TMPRSS4: variants seen among roughly 807,000 people sequenced by gnomAD.
TMPRSS4 encodes the protein transmembrane serine protease 4.
In TMPRSS4, 45 loss-of-function variants were observed where a neutral mutation model predicts 56.4. The observed-to-expected ratio is 0.80, with a 90% CI of 0.63 to 1.02. The LOEUF (loss-of-function observed/expected upper bound fraction) is 1.02. Among genes scored for constraint, TMPRSS4 ranks in the 50% least tolerant of loss-of-function variants. The probability of loss-of-function intolerance (pLI) is 0.00; values close to 1 mark genes in which losing one functional copy is unlikely to be tolerated. For missense variants in TMPRSS4, 546 were observed against 556.7 expected (o/e 0.98, Z 0.19); for synonymous variants, 205 against 211.0 (o/e 0.97, Z 0.25).
intron 4 of TMPRSS4, among the ~76,000 whole-genome samples, chr11:118,103,943 A>G (rs1015272964): frequency 2.0e-4 from 31 of 152,132 alleles, no homozygotes; most frequent in African/African-American, 7.5e-4. Flanking sequence ...TTCGCCAGCT[A>G]TTGGTCCTTC....
At chr11:118,097,944 A>G (rs1381502209) in intron 2 of TMPRSS4, among the ~76,000 whole-genome samples, 1 of 152,048 alleles carries the variant, frequency 6.6e-6, no homozygotes, top group African/African-American at 2.4e-5. Flanking sequence ...TAATTTTTGT[A>G]TGTTTAGTAG....
At chr11:118,123,152 T>C (rs1056959073), downstream of TMPRSS4, among the ~76,000 whole-genome samples, 1 of 152,010 alleles carries the variant, frequency 6.6e-6, no homozygotes, top group African/African-American at 2.4e-5. Flanking sequence ...CACAGTCACA[T>C]AATACCCTCA....
chr11:118,107,770 G>A lies in TMPRSS4; in HGVS notation c.441-4G>A. The A allele has an allele frequency of 6.2e-7, 1 of 1,613,774 alleles. No individual in the cohort carries two copies. The stretch of plus-strand genomic sequence containing the variant: ...CAACTCTCTCTCCCTCTTGATGTGA[G>A]CAGCAAACCCACTTTCAGAGCTGTG... On this transcript the variant is annotated splice_region_variant and splice_polypyrimidine_tract_variant and intron_variant, in intron 5 of 12. Transcript: ENST00000437212.
In TMPRSS4 at chr11:118,091,392, G is replaced by A. The variant is rs78275915; in HGVS notation, c.4-3424G>A. Among the ~76,000 whole-genome samples, 1,178 of 152,116 alleles carry A rather than the reference G, an allele frequency of 7.7e-3. 17 individuals are homozygous for A. The highest frequency in any genetic ancestry group is 0.027 in the African/African-American group (1,135 of 41,496). Reference sequence around the variant, plus strand: ...CGTAACCATCCTGAGCCCCTCCCTAGAGCTCCCATTCTCAGTCTGCATCCA... The same window carrying A: ...CGTAACCATCCTGAGCCCCTCCCTAAAGCTCCCATTCTCAGTCTGCATCCA... On this transcript the variant is annotated intron_variant, in intron 1 of 12. Coordinates refer to ENST00000437212, the MANE Select transcript of TMPRSS4 (RefSeq NM_019894.4).
Position 118,116,715 on chromosome 11 carries a change from C to CTTTTTTTTT in TMPRSS4, c.1153-582_1153-574dup, listed in dbSNP as rs58251133. ...ACTAGGTTAAACAATGATAACCAGG[C>CTTTTTTTTT]TTTTTTTTTTTTTTTTGAGACTGAG... On this transcript the variant is annotated intron_variant, in intron 11 of 12. Coordinates refer to ENST00000437212, the MANE Select transcript of TMPRSS4 (RefSeq NM_019894.4). Among the ~76,000 whole-genome samples, 5 of 123,374 alleles carry CTTTTTTTTT rather than the reference C, an allele frequency of 4.1e-5. 1 individual carries two copies. The highest frequency in any genetic ancestry group is 4.9e-5 in the Non-Finnish European group (3 of 61,808). 80.9% of individuals were successfully genotyped at this position (123,374 alleles called of 152,430 possible). A position where few individuals can be genotyped will look rare whatever the true frequency, so the allele number is the denominator to read the frequency against.
At chr11:118,117,257 C>T in intron 11 of TMPRSS4, 48 bp from the exon 12 acceptor site, 1 of 1,605,558 alleles carries the variant, frequency 6.2e-7, no homozygotes, top group Non-Finnish European at 8.5e-7. Context: ...GAGAAGCCCC[C>T]CCACCTCACC....
chr11:118,116,341 T>C (rs1947547209), intron 11 of TMPRSS4, among the ~76,000 whole-genome samples: 1 of 152,182 alleles, frequency 6.6e-6, no homozygotes, highest in African/African-American at 2.4e-5. Flanking sequence ...CTCTTAGTCA[T>C]CGCATGTGTG....
intron 1 of TMPRSS4, among the ~76,000 whole-genome samples, chr11:118,080,986 C>G (rs905563489): frequency 6.6e-6 from 1 of 152,220 alleles, no homozygotes; most frequent in East Asian, 1.9e-4. Flanking sequence ...TCTTTTAAAC[C>G]TGTTGCCACC....
In TMPRSS4 at chr11:118,093,827, A is replaced by C. The variant is rs889298285; in HGVS notation, c.4-989A>C. Among the ~76,000 whole-genome samples the C allele has an allele frequency of 1.8e-4, 20 of 110,456 alleles. 1 individual carries two copies. The South Asian group carries it at 3.9e-3, about 22-fold the overall frequency. The allele number at this position is 110,456 out of a possible 152,430, so 72.5% of individuals were successfully genotyped here. Reference sequence around the variant, plus strand: ...CTTCCAATAACTAACTGCCCCCCCCAATGGTAACCACTATTCTGACTTCTA... The same window carrying C: ...CTTCCAATAACTAACTGCCCCCCCCCATGGTAACCACTATTCTGACTTCTA... On this transcript the variant is annotated intron_variant, in intron 1 of 12. Coordinates refer to ENST00000437212, the MANE Select transcript of TMPRSS4 (RefSeq NM_019894.4).
At chr11:118,108,830 C>T (rs764296944) in intron 6 of TMPRSS4, 26 bp from the exon 7 acceptor site, 1 of 1,613,556 alleles carries the variant, frequency 6.2e-7, no homozygotes, top group South Asian at 1.1e-5. Flanking sequence ...AAGCTTAAAT[C>T]ACAGGGCGCT....
At chr11:118,116,813 A>C (rs888241100) in intron 11 of TMPRSS4, among the ~76,000 whole-genome samples, 1 of 147,148 alleles carries the variant, frequency 6.8e-6, no homozygotes, top group Non-Finnish European at 1.5e-5. Flanking sequence ...TCTGGGTTCG[A>C]ATGATTCTCC....
intron 1 of TMPRSS4, chr11:118,088,298 C>A (rs1246092580): frequency 6.6e-6 from 1 of 152,234 alleles, no homozygotes; most frequent in African/African-American, 2.4e-5. Flanking sequence ...TATAGGACAG[C>A]ATTTATGAAA....
intron 5 of TMPRSS4, chr11:118,106,963 G>A (rs10790234): frequency 0.1 from 15,877 of 152,204 alleles, 1,388 homozygotes; most frequent in East Asian, 0.35. Context: ...TCCAGGAAGT[G>A]CCAGCATTCC....
downstream of TMPRSS4, among the ~76,000 whole-genome samples, chr11:118,124,164 A>C (rs1477596869): frequency 6.6e-6 from 1 of 152,106 alleles, no homozygotes; most frequent in Non-Finnish European, 1.5e-5. Flanking sequence ...AGTGGGGCAG[A>C]TCACCAGGTC....
chr11:118,108,813 G>A lies in TMPRSS4; in HGVS notation c.543-43G>A, dbSNP rs761245856. The A allele has an allele frequency of 2.5e-6, 4 of 1,611,052 alleles. No homozygotes were observed. In the East Asian group the frequency reaches 8.9e-5, roughly 36 times the overall value. On this transcript the variant is annotated intron_variant, in intron 6 of 12. Transcript: ENST00000437212. ...AGGCCTGAGTCCCTGCCTCCCAGCT[G>A]AGGAAGAAGCTTAAATCACAGGGCG...
intron 7 of TMPRSS4, among the ~76,000 whole-genome samples, chr11:118,110,395 A>G (rs982639317): frequency 6.6e-6 from 1 of 151,256 alleles, no homozygotes; most frequent in African/African-American, 2.4e-5. Flanking sequence ...AGCCTGGAGT[A>G]AAGTGTTGCG....
intron 11 of TMPRSS4, 25 bp from the exon 12 acceptor site, chr11:118,117,280 C>A: frequency 6.2e-7 from 1 of 1,613,488 alleles, no homozygotes. Flanking sequence ...CCCTCCCCAG[C>A]AGTCTCTGTT....
At chr11:118,112,842 T>A in intron 8 of TMPRSS4, among the ~76,000 whole-genome samples, 1 of 149,244 alleles carries the variant, frequency 6.7e-6, no homozygotes, top group African/African-American at 2.5e-5. Context: ...TTTTTTTTTT[T>A]TGAGATTCTG....
chr11:118,098,266 G>C (rs1397144037), intron 2 of TMPRSS4, among the ~76,000 whole-genome samples: 1 of 152,186 alleles, frequency 6.6e-6, no homozygotes, highest in Non-Finnish European at 1.5e-5. Context: ...CAGCCTACAG[G>C]CACCCTCCGT....
Sources: allele counts gnomAD v4.1 joint callset (sites outside exome capture counted in the v4.1 genomes callset), GRCh38; gene constraint gnomAD v4.1.1; transcripts MANE v1.5; gene names NCBI Gene and HGNC (gene_info 2026-07-23, HGNC 2026-07-21).